Variants in PTPRD observed in about 807,000 individuals in gnomAD.
PTPRD encodes the protein protein tyrosine phosphatase receptor type D.
Under a neutral mutation model 214.5 loss-of-function variants are expected in PTPRD, and 34 were observed. That is an observed-to-expected ratio of 0.16 (90% CI 0.12 to 0.21). PTPRD has a LOEUF of 0.21. Ranked by LOEUF, PTPRD falls within the 10% of genes least tolerant of loss-of-function variation. The probability of loss-of-function intolerance (pLI) is 1.00; values close to 1 mark genes in which losing one functional copy is unlikely to be tolerated. For synonymous variants in PTPRD, 1,128 were observed against 845.7 expected (o/e 1.33, Z -5.79); for missense variants, 2,545 against 2,398.7 (o/e 1.06, Z -1.27).
rs1444883382 is a variant in PTPRD at position 9,645,478 on chromosome 9, TA to T, written c.-286-70698del. Among the ~76,000 whole-genome samples, 389 of 148,746 alleles carry T rather than the reference TA, an allele frequency of 2.6e-3. 1 individual carries two copies. Among genetic ancestry groups the T allele is most frequent in the African/African-American group, 8.7e-3 (357 of 40,990 alleles). On this transcript the variant is annotated intron_variant, in intron 7 of 45. Coordinates refer to ENST00000381196, the MANE Select transcript of PTPRD (RefSeq NM_002839.4). ...ATATGTATATATATATATATATATA[TA>T]TTTTCTATTTGCTTCTATTTGAAAT...
rs539883920 is a variant in PTPRD at position 8,448,804 on chromosome 9, T to C, written c.3988+921A>G. Among the ~76,000 whole-genome samples, 28 of 152,314 alleles carry C rather than the reference T, an allele frequency of 1.8e-4. No homozygotes were observed. The East Asian group carries it at 4.4e-3, about 24-fold the overall frequency. ...TGTGTACTGTAATATATCTGCAGTGTATCATACTGTGAATCAGAACATCCA... is the reference window on the plus strand; with the variant it reads ...TGTGTACTGTAATATATCTGCAGTGCATCATACTGTGAATCAGAACATCCA... On this transcript the variant is annotated intron_variant, in intron 34 of 45. Coordinates refer to ENST00000381196, the MANE Select transcript of PTPRD (RefSeq NM_002839.4).
chr9:10,528,870 G>T (rs919766048), intron 2 of PTPRD, among the ~76,000 whole-genome samples: 45 of 152,142 alleles, frequency 3.0e-4, no homozygotes, highest in African/African-American at 9.4e-4. Flanking sequence ...GTTTTTAAAA[G>T]AAATTAAACA....
intron 34 of PTPRD, among the ~76,000 whole-genome samples, chr9:8,443,564 C>T (rs2095620203): frequency 6.6e-6 from 1 of 152,190 alleles, no homozygotes; most frequent in South Asian, 2.1e-4. Context: ...ATATTAAGGT[C>T]ATCCACTGAA....
At chr9:9,445,922 G>C (rs2090241585) in intron 8 of PTPRD, among the ~76,000 whole-genome samples, 2 of 152,120 alleles carry the variant, frequency 1.3e-5, no homozygotes, top group South Asian at 4.1e-4. Flanking sequence ...TGGTTCCTTA[G>C]CACAGTTGTG....
Position 8,341,854 on chromosome 9 carries a change from C to G in PTPRD, c.4786G>C (p.Val1596Leu), listed in dbSNP as rs754157644. The G allele has an allele frequency of 1.2e-6, 2 of 1,613,350 alleles. No homozygotes were observed. The highest frequency in any genetic ancestry group is 1.7e-6 in the Non-Finnish European group (2 of 1,179,692). Residue 1596 changes from valine to leucine, a missense_variant, in exon 40 of 46, where the codon GTT (valine) becomes CTT (leucine). Physicochemically the swap from Val to Leu is conservative, Grantham distance 32. Transcript: ENST00000381196. ...AAGATGTATTGGTCTTCTGTTTGAA[C>G]CATATAGTTCCTCTGGGCTCTCATT... ...TLMRAQRNYMVQTEDQYIFIH... is the reference protein window; with the variant it reads ...TLMRAQRNYMLQTEDQYIFIH...
At chr9:10,310,651 C>T (rs767975091) in intron 3 of PTPRD, among the ~76,000 whole-genome samples, 22 of 152,066 alleles carry the variant, frequency 1.4e-4, no homozygotes, top group Non-Finnish European at 2.8e-4. Context: ...AAAGTGTTTA[C>T]ACGAATCCCA....
chr9:9,282,828 G>T (rs1021581060), intron 9 of PTPRD, among the ~76,000 whole-genome samples: 3 of 151,412 alleles, frequency 2.0e-5, no homozygotes, highest in African/African-American at 7.3e-5. Flanking sequence ...AAGATTAAGT[G>T]GCATACAAAT....
chr9:9,299,120 G>T (rs1171041425), intron 9 of PTPRD, among the ~76,000 whole-genome samples: 5 of 151,686 alleles, frequency 3.3e-5, no homozygotes, highest in Non-Finnish European at 7.4e-5. Context: ...TGTGTCTCCA[G>T]CAAATATAGG....
intron 4 of PTPRD, among the ~76,000 whole-genome samples, chr9:9,948,737 T>A (rs890708042): frequency 1.3e-5 from 2 of 152,000 alleles, no homozygotes; most frequent in African/African-American, 4.8e-5. Context: ...GTTAAAAAGA[T>A]AAGAGAAAGG....
chr9:9,962,240 G>C (rs891297953), intron 4 of PTPRD, among the ~76,000 whole-genome samples: 1 of 152,002 alleles, frequency 6.6e-6, no homozygotes, highest in Non-Finnish European at 1.5e-5. Context: ...TATCCTAGGA[G>C]AAAGAAAAGC....
intron 3 of PTPRD, among the ~76,000 whole-genome samples, chr9:10,165,932 T>A (rs2099156306): frequency 6.7e-6 from 1 of 150,020 alleles, no homozygotes; most frequent in South Asian, 2.1e-4. Context: ...TATGCAGACA[T>A]AATCTATGTT....
In PTPRD at chr9:8,331,643, C is replaced by T. The variant is rs770713312; in HGVS notation, c.5473G>A (p.Gly1825Ser). The T allele has an allele frequency of 2.2e-5, 36 of 1,613,596 alleles. No individual in the cohort carries two copies. Among genetic ancestry groups the T allele is most frequent in the East Asian group, 6.7e-5 (3 of 44,862 alleles). The stretch of plus-strand genomic sequence containing the variant: ...TGTTCTTTTGTTTTATGGACTTGGC[C>T]GATGAAGTCAATAAATCCTTCTCCG... ...KSGEGFIDFI[G>S]QVHKTKEQFG... Residue 1825 changes from glycine (G) to serine (S), a missense_variant, in exon 44 of 46, where the codon GGC becomes AGC. Gly to Ser is a moderately conservative substitution (Grantham distance 56). Transcript: ENST00000381196.
chr9:10,540,280 G>A (rs1243823871), intron 2 of PTPRD, among the ~76,000 whole-genome samples: 3 of 152,048 alleles, frequency 2.0e-5, no homozygotes, highest in Non-Finnish European at 4.4e-5. Flanking sequence ...TTCCTGCCTC[G>A]GCCTCCCAGA....
At chr9:8,899,548 G>A (rs73640963) in intron 11 of PTPRD, among the ~76,000 whole-genome samples, 3,597 of 152,276 alleles carry the variant, frequency 0.024, 138 homozygotes, top group African/African-American at 0.081. Flanking sequence ...GCACTAAACA[G>A]ATTGTTTCCA....
intron 9 of PTPRD, among the ~76,000 whole-genome samples, chr9:9,379,196 G>GATATATAT (rs61595587): frequency 6.9e-5 from 10 of 145,192 alleles, no homozygotes; most frequent in African/African-American, 2.5e-4. Context: ...TCTATGTTGA[G>GATATATAT]ATATATATAT....
chr9:10,554,013 G>C (rs550008634), intron 2 of PTPRD, among the ~76,000 whole-genome samples: 1 of 152,138 alleles, frequency 6.6e-6, no homozygotes, highest in East Asian at 1.9e-4. Context: ...TGGATAAGTA[G>C]TGTGGGAAAC....
intron 9 of PTPRD, among the ~76,000 whole-genome samples, chr9:9,247,561 A>T (rs1317486246): frequency 6.6e-6 from 1 of 152,028 alleles, no homozygotes; most frequent in Non-Finnish European, 1.5e-5. Context: ...ATCAAAACGA[A>T]TTTAAAATTT....
intron 7 of PTPRD, among the ~76,000 whole-genome samples, chr9:9,645,132 G>A (rs1223543550): frequency 1.3e-5 from 2 of 152,166 alleles, no homozygotes; most frequent in African/African-American, 4.8e-5. Flanking sequence ...GCTCTCCCTG[G>A]CTCCTGCACC....
At chr9:8,635,800 A>G (rs573269820) in intron 13 of PTPRD, among the ~76,000 whole-genome samples, 1 of 152,020 alleles carries the variant, frequency 6.6e-6, no homozygotes. Context: ...TATCCTTCTC[A>G]TGTCTTAAAT....
Sources: allele counts gnomAD v4.1 joint callset (sites outside exome capture counted in the v4.1 genomes callset), GRCh38; gene constraint gnomAD v4.1.1; transcripts MANE v1.5; gene names NCBI Gene and HGNC (gene_info 2026-07-23, HGNC 2026-07-21).